COL23A1: variants seen among roughly 807,000 people sequenced by gnomAD.
COL23A1 encodes the protein collagen alpha-1(XXIII) chain.
In COL23A1, 97 loss-of-function variants were observed where a neutral mutation model predicts 99.3. The ratio of observed to expected loss-of-function variants is 0.98; its 90% CI spans 0.83 to 1.16. The LOEUF is 1.16. COL23A1 is among the 50% of genes most tolerant of loss of function. The probability of loss-of-function intolerance (pLI) is 0.00; values close to 1 mark genes in which losing one functional copy is unlikely to be tolerated. For missense variants in COL23A1, 762 were observed against 757.4 expected (o/e 1.01, Z -0.07); for synonymous variants, 320 against 308.2 (o/e 1.04, Z -0.40).
At chr5:178,511,247 T>C (rs1759189815) in intron 2 of COL23A1, among the ~76,000 whole-genome samples, 1 of 152,194 alleles carries the variant, frequency 6.6e-6, no homozygotes, top group Admixed American at 6.5e-5. Context: ...CAAAGCCCAT[T>C]TTCTTTGCAG....
chr5:178,380,532 T>G (rs1763323842), intron 2 of COL23A1, among the ~76,000 whole-genome samples: 1 of 152,160 alleles, frequency 6.6e-6, no homozygotes, highest in East Asian at 1.9e-4. Context: ...AAGTTTTGAT[T>G]TTTCAGTCGC....
chr5:178,492,492 G>A (rs150526865), intron 2 of COL23A1, among the ~76,000 whole-genome samples: 185 of 152,218 alleles, frequency 1.2e-3, no homozygotes, highest in African/African-American at 4.4e-3. Flanking sequence ...TTCCAGCCTT[G>A]AGACTATGAG....
At chr5:178,259,638 T>C in intron 12 of COL23A1, 83 bp downstream of exon 12, 77 of 461,072 alleles carry the variant, frequency 1.7e-4, no homozygotes, top group Non-Finnish European at 2.6e-4. Context: ...CCCATCCCCA[T>C]CCCCATTCCG....
intron 2 of COL23A1, among the ~76,000 whole-genome samples, chr5:178,552,220 C>G (rs182206522): frequency 6.6e-6 from 1 of 152,312 alleles, no homozygotes; most frequent in Admixed American, 6.5e-5. Flanking sequence ...CCTCTAACAA[C>G]TGGGTCTGCA....
At position 178,242,374 on chromosome 5, in the gene COL23A1, T is replaced by C. The variant is rs373755875; in HGVS notation, c.1461A>G (p.Gly487=). The C allele has an allele frequency of 6.2e-7, 1 of 1,614,046 alleles. No individual in the cohort carries two copies. The highest frequency in any genetic ancestry group is 8.5e-7 in the Non-Finnish European group (1 of 1,180,004). The change falls in exon 26 of 29, where the codon GGA becomes GGG. Residue 487 remains glycine, a synonymous_variant. Coordinates refer to ENST00000390654, the MANE Select transcript of COL23A1 (RefSeq NM_173465.4). ...CACGCTCGCTCCGATCACCTTTCTC[T>C]CCTCGGGGTCCAGGGAAACCCTGAC... The part of the protein sequence containing the change: ...PGLDGFPGPR[G]EKGDRSERGE...
chr5:178,553,064 C>T (rs901340688), intron 2 of COL23A1, among the ~76,000 whole-genome samples: 1 of 151,696 alleles, frequency 6.6e-6, no homozygotes, highest in Non-Finnish European at 1.5e-5. Flanking sequence ...CAGCTATTAT[C>T]CCGGCTGAGG....
chr5:178,364,433 G>A (rs1433885222), intron 2 of COL23A1, among the ~76,000 whole-genome samples: 2 of 152,040 alleles, frequency 1.3e-5, no homozygotes, highest in African/African-American at 2.4e-5. Flanking sequence ...GGTGAGCTGA[G>A]GGTGGAGCAG....
At chr5:178,583,011 G>A (rs1446700771) in intron 1 of COL23A1, among the ~76,000 whole-genome samples, 2 of 152,316 alleles carry the variant, frequency 1.3e-5, no homozygotes, top group East Asian at 3.9e-4. Context: ...CTCAGGCCTG[G>A]CCCTGCGTGC....
At chr5:178,413,251 G>C (rs1765140012) in intron 2 of COL23A1, among the ~76,000 whole-genome samples, 1 of 152,186 alleles carries the variant, frequency 6.6e-6, no homozygotes, top group African/African-American at 2.4e-5. Context: ...GGAGAAATTT[G>C]AGGCTATTTT....
intron 2 of COL23A1, among the ~76,000 whole-genome samples, chr5:178,507,085 A>G (rs1281399531): frequency 6.6e-6 from 1 of 152,168 alleles, no homozygotes; most frequent in Non-Finnish European, 1.5e-5. Context: ...TTATTCTTCC[A>G]TTGTCTCCTT....
chr5:178,422,223 A>G (rs1190973067), intron 2 of COL23A1, among the ~76,000 whole-genome samples: 1 of 152,166 alleles, frequency 6.6e-6, no homozygotes, highest in African/African-American at 2.4e-5. Flanking sequence ...AGCTCTGTGC[A>G]AGGAACATGC....
chr5:178,287,230 A>T (rs1561827666), intron 5 of COL23A1, among the ~76,000 whole-genome samples: 1 of 152,160 alleles, frequency 6.6e-6, no homozygotes, highest in Admixed American at 6.5e-5. Flanking sequence ...TTCACATTTC[A>T]TTCTTACTTC....
At chr5:178,433,520 T>C (rs979471785) in intron 2 of COL23A1, among the ~76,000 whole-genome samples, 3 of 152,082 alleles carry the variant, frequency 2.0e-5, no homozygotes, top group South Asian at 4.2e-4. Context: ...TCATTGGCAA[T>C]TGGTGATTAA....
At chr5:178,421,373 TG>T (rs1414692881) in intron 2 of COL23A1, among the ~76,000 whole-genome samples, 1 of 152,210 alleles carries the variant, frequency 6.6e-6, no homozygotes, top group Non-Finnish European at 1.5e-5. Context: ...TCAGCCTCTC[TG>T]AGCTCATTTT....
chr5:178,362,254 G>T (rs1762211259), intron 2 of COL23A1, among the ~76,000 whole-genome samples: 1 of 152,164 alleles, frequency 6.6e-6, no homozygotes, highest in Non-Finnish European at 1.5e-5. Context: ...AGTGAATGGA[G>T]GGAGGCTGAG....
chr5:178,345,882 G>A (rs2127669735), intron 2 of COL23A1, among the ~76,000 whole-genome samples: 1 of 152,102 alleles, frequency 6.6e-6, no homozygotes, highest in African/African-American at 2.4e-5. Context: ...AAAATTTTGG[G>A]AGGACATGGT....
intron 2 of COL23A1, among the ~76,000 whole-genome samples, chr5:178,406,948 T>C (rs555022185): frequency 2.0e-5 from 3 of 152,312 alleles, no homozygotes; most frequent in Admixed American, 6.5e-5. Context: ...CTAAAACCCC[T>C]AGACATTATA....
At position 178,254,954 on chromosome 5, in the gene COL23A1, G is replaced by A. The variant is rs761160260; in HGVS notation, c.955C>T (p.Leu319Phe). 5 of 1,613,188 alleles carry A rather than the reference G, an allele frequency of 3.1e-6. No individual in the cohort carries two copies. Among genetic ancestry groups the A allele is most frequent in the East Asian group, 2.2e-5 (1 of 44,870 alleles). Residue 319 changes from leucine to phenylalanine, a missense_variant, in exon 16 of 29, where the codon CTC becomes TTC. Transcript: ENST00000390654. ...GGTCCCACCAGGAACACTACCTTGA[G>A]GGCATCCAAGATCCTGCCATCATAG... ...IDYDGRILDALKGPPGPQGPP... is the reference protein window; with the variant it reads ...IDYDGRILDAFKGPPGPQGPP...
At chr5:178,358,521 A>ATGTATG (rs1203094344) in intron 2 of COL23A1, among the ~76,000 whole-genome samples, 3 of 120,098 alleles carry the variant, frequency 2.5e-5, no homozygotes, top group Non-Finnish European at 5.0e-5. Context: ...GTATGTGTGT[A>ATGTATG]TGTATGTCTA....
Sources: allele counts gnomAD v4.1 joint callset (sites outside exome capture counted in the v4.1 genomes callset), GRCh38; gene constraint gnomAD v4.1.1; transcripts MANE v1.5; gene names NCBI Gene and HGNC (gene_info 2026-07-23, HGNC 2026-07-21).